Variants in SDK1 observed in about 807,000 individuals in gnomAD.
The protein encoded by SDK1 is sidekick cell adhesion molecule 1.
A neutral mutation model predicts 245.5 loss-of-function variants in SDK1; 157 were observed. That is an observed-to-expected ratio of 0.64 (90% confidence interval 0.56 to 0.73). The LOEUF (loss-of-function observed/expected upper bound fraction) is 0.73. Ranked by LOEUF, SDK1 falls within the 30% of genes least tolerant of loss-of-function variation. SDK1 has a pLI of 0.00. For missense variants in SDK1, 3,583 were observed against 3,002.3 expected, an observed-to-expected ratio of 1.19 and a Z score of -4.52; for synonymous variants, 1,647 against 1,278.5, an observed-to-expected ratio of 1.29 and a Z score of -6.15.
At chr7:3,735,572 G>C (rs1779296905) in intron 4 of SDK1, among the ~76,000 whole-genome samples, 1 of 152,202 alleles carries the variant, frequency 6.6e-6, no homozygotes, top group African/African-American at 2.4e-5. Flanking sequence ...TCCCTCCACA[G>C]ACACTAAGGT....
intron 5 of SDK1, among the ~76,000 whole-genome samples, chr7:3,879,039 G>T (rs1781142272): frequency 6.6e-6 from 1 of 152,094 alleles, no homozygotes; most frequent in Admixed American, 6.5e-5. Flanking sequence ...TTCTATATCC[G>T]ACAGTCAGTA....
At chr7:3,659,423 T>C (rs569643859) in intron 4 of SDK1, among the ~76,000 whole-genome samples, 3 of 151,980 alleles carry the variant, frequency 2.0e-5, no homozygotes, top group African/African-American at 7.3e-5. Flanking sequence ...ATACCAAAAT[T>C]TGAAGAAAGG....
At chr7:3,789,631 A>T (rs554030471) in intron 4 of SDK1, among the ~76,000 whole-genome samples, 1 of 152,202 alleles carries the variant, frequency 6.6e-6, no homozygotes, top group Admixed American at 6.5e-5. Flanking sequence ...CCAACTTCTG[A>T]TCAAACATGG....
chr7:4,039,150 T>C (rs1302679208), intron 17 of SDK1, among the ~76,000 whole-genome samples: 3 of 134,370 alleles, frequency 2.2e-5, no homozygotes, highest in Non-Finnish European at 4.6e-5. Context: ...CGGGGCCTGT[T>C]GTGGGGTGGG....
At chr7:3,624,012 A>G (rs1434265908) in intron 2 of SDK1, among the ~76,000 whole-genome samples, 1 of 152,178 alleles carries the variant, frequency 6.6e-6, no homozygotes, top group Non-Finnish European at 1.5e-5. Context: ...TATCAATAAA[A>G]ATTATGAAAT....
chr7:3,733,559 C>T (rs1779238433), intron 4 of SDK1, among the ~76,000 whole-genome samples: 1 of 152,162 alleles, frequency 6.6e-6, no homozygotes, highest in South Asian at 2.1e-4. Context: ...GCATTCCTCC[C>T]TCCTTGAATC....
In SDK1 at chr7:4,145,611, C is replaced by T. The variant is rs369439274; in HGVS notation, c.4229-111C>T. On this transcript the variant is annotated intron_variant, in intron 28 of 44. Coordinates refer to ENST00000404826, the MANE Select transcript of SDK1 (RefSeq NM_152744.4). ...GTGCACAGGCAGTGACCTCCAGAGA[C>T]GGGGAAGAGACAGATGGCCTTCCAG... is the stretch of plus-strand genomic sequence containing the variant. 4,472 of 926,856 alleles carry T rather than the reference C, an allele frequency of 4.8e-3. 217 individuals are homozygous for T. In the South Asian group the frequency reaches 0.071, roughly 15 times the overall value. 57.4% of individuals were successfully genotyped at this position (926,856 alleles called of 1,614,324 possible).
intron 5 of SDK1, among the ~76,000 whole-genome samples, chr7:3,827,434 T>C (rs910056902): frequency 3.3e-5 from 5 of 152,170 alleles, no homozygotes; most frequent in Admixed American, 3.3e-4. Flanking sequence ...TATCTGAGGG[T>C]GTAAATGCCC....
At chr7:3,923,519 G>C (rs188487342) in intron 5 of SDK1, among the ~76,000 whole-genome samples, 5 of 152,314 alleles carry the variant, frequency 3.3e-5, no homozygotes, top group Admixed American at 3.3e-4. Context: ...GCCCGGGACT[G>C]GCAGTGTGGG....
intron 1 of SDK1, among the ~76,000 whole-genome samples, chr7:3,510,615 G>A (rs1378721225): frequency 6.6e-6 from 1 of 152,160 alleles, no homozygotes; most frequent in East Asian, 1.9e-4. Context: ...CCCAAGACAG[G>A]TTTTAGTGGC....
intron 1 of SDK1, among the ~76,000 whole-genome samples, chr7:3,564,885 A>G (rs1016371232): frequency 6.6e-6 from 1 of 152,080 alleles, no homozygotes; most frequent in Non-Finnish European, 1.5e-5. Context: ...TGTGAATGTA[A>G]CAGTGTACAT....
At chr7:4,166,329 G>A (rs186075567) in intron 32 of SDK1, among the ~76,000 whole-genome samples, 50 of 152,358 alleles carry the variant, frequency 3.3e-4, no homozygotes, top group Admixed American at 2.2e-3. Flanking sequence ...AGAGGGGACT[G>A]AGGCAGGCCA....
intron 1 of SDK1, among the ~76,000 whole-genome samples, chr7:3,351,276 G>A (rs1187414306): frequency 1.3e-5 from 2 of 152,146 alleles, no homozygotes; most frequent in East Asian, 1.9e-4. Context: ...AAGTTATATT[G>A]AGACATATAA....
chr7:4,006,213 A>G (rs1385303480), intron 14 of SDK1, among the ~76,000 whole-genome samples: 1 of 152,230 alleles, frequency 6.6e-6, no homozygotes, highest in Admixed American at 6.5e-5. Context: ...TTTTCAACCA[A>G]CAGCTAAAGC....
At chr7:3,926,169 C>A (rs140557482) in intron 5 of SDK1, among the ~76,000 whole-genome samples, 2 of 152,110 alleles carry the variant, frequency 1.3e-5, no homozygotes, top group African/African-American at 4.8e-5. Context: ...CATGCATTCC[C>A]GTGGGAAGGG....
chr7:3,518,132 TATAGC>T (rs1782809041), intron 1 of SDK1, among the ~76,000 whole-genome samples: 1 of 152,164 alleles, frequency 6.6e-6, no homozygotes, highest in African/African-American at 2.4e-5. Flanking sequence ...GATGAGCTTA[TATAGC>T]ATACCCAGTT....
chr7:3,461,603 A>T lies in SDK1; in HGVS notation c.299-157477A>T, dbSNP rs1780833288. 3.3e-5 allele frequency among the ~76,000 whole-genome samples: 5 copies of T among 152,132 alleles called. No homozygotes were observed. The South Asian group carries it at 1.0e-3, about 31-fold the overall frequency. On this transcript the variant is annotated intron_variant, in intron 1 of 44. Coordinates refer to ENST00000404826, the MANE Select transcript of SDK1 (RefSeq NM_152744.4). ...CCTCCGGTCACTTAGTAGTTGTGTG[A>T]CTTTGGTCATTGTTGAACTGTTGTG...
At chr7:3,812,006 G>C (rs367547894) in intron 4 of SDK1, among the ~76,000 whole-genome samples, 8 of 152,172 alleles carry the variant, frequency 5.3e-5, no homozygotes, top group African/African-American at 1.9e-4. Context: ...TGAACAGACT[G>C]GCTTCACACA....
At chr7:3,856,995 A>C (rs1423250408) in intron 5 of SDK1, among the ~76,000 whole-genome samples, 2 of 152,210 alleles carry the variant, frequency 1.3e-5, no homozygotes, top group Non-Finnish European at 2.9e-5. Context: ...ATTACAAGGC[A>C]TAATCAGTAT....
Sources: gnomAD v4.1 joint callset for allele counts (sites outside exome capture counted in the v4.1 genomes callset) on GRCh38, gnomAD v4.1.1 for gene constraint, MANE v1.5 for transcripts, NCBI Gene and HGNC (gene_info 2026-07-23, HGNC 2026-07-21) for gene names.